The following TDRD9 variants were observed in gnomAD, a reference collection of about 807,000 sequenced individuals.
TDRD9 encodes ATP-dependent RNA helicase TDRD9.
TDRD9 carries 124 observed loss-of-function variants against 172.6 expected under a neutral mutation model. The observed-to-expected ratio is 0.72, with a 90% CI of 0.62 to 0.83. The LOEUF (loss-of-function observed/expected upper bound fraction) is 0.83, where lower values mean the gene tolerates loss of function less well. TDRD9 is among the 40% of genes least tolerant of loss of function. TDRD9 has a pLI of 0.00. For synonymous variants in TDRD9, 619 were observed against 617.1 expected, an observed-to-expected ratio of 1.00 and a Z score of -0.05; for missense variants, 1,479 against 1,714.1, an observed-to-expected ratio of 0.86 and a Z score of 2.42.
In TDRD9 at chr14:104,031,153, A is replaced by C. The variant is rs2035267684; in HGVS notation, c.3328A>C (p.Asn1110His). The change falls in exon 29 of 36, where the codon AAC becomes CAC. Residue 1110 changes from asparagine to histidine, a missense_variant. By Grantham distance (68) the Asn-to-His change is moderately conservative (BLOSUM62 1). Coordinates refer to ENST00000409874, the MANE Select transcript of TDRD9 (RefSeq NM_153046.3). Reference sequence around the variant, plus strand: ...GGGCCTCTTTTCCAAGTCAGTAGAAAACATGACAGATGGCTCTGTGCCCTT... The same window carrying C: ...GGGCCTCTTTTCCAAGTCAGTAGAACACATGACAGATGGCTCTGTGCCCTT... ...LKGLFSKSVE[N>H]MTDGSVPFPM... 6.4e-7 allele frequency: 1 copy of C among 1,551,708 alleles called. No homozygotes were observed. Among genetic ancestry groups the C allele is most frequent in the Admixed American group, 2.0e-5 (1 of 50,982 alleles).
intron 2 of TDRD9, among the ~76,000 whole-genome samples, chr14:103,956,126 A>ATG (rs2032219374): frequency 1.0e-5 from 1 of 95,506 alleles, no homozygotes; most frequent in Admixed American, 1.1e-4. Flanking sequence ...ATATATATAT[A>ATG]TATATATATA....
chr14:104,012,053 A>G (rs1222970919), intron 20 of TDRD9, among the ~76,000 whole-genome samples: 2 of 152,194 alleles, frequency 1.3e-5, no homozygotes, highest in Non-Finnish European at 1.5e-5. Context: ...TATTGCAACC[A>G]GGAAGCTCAC....
At chr14:103,931,572 C>A (rs776453277) in intron 1 of TDRD9, among the ~76,000 whole-genome samples, 1 of 152,146 alleles carries the variant, frequency 6.6e-6, no homozygotes, top group Admixed American at 6.5e-5. Flanking sequence ...TCAACTGATT[C>A]TTTCATGATT....
rs200793202 is a variant in TDRD9, at chr14:103,955,653, A to G, written c.216-11A>G. 95 of 1,547,418 alleles carry G rather than the reference A, an allele frequency of 6.1e-5. No individual in the cohort carries two copies. In the African/African-American group the frequency reaches 1.2e-3, roughly 19 times the overall value. The stretch of plus-strand genomic sequence containing the variant: ...TGGAAATAGTATACTAACTTTTACT[A>G]TTCTTTTCAGGTCACTCAGCCAAAG... On this transcript the variant is annotated splice_polypyrimidine_tract_variant and intron_variant, in intron 1 of 35. Transcript: ENST00000409874.
At chr14:104,012,822 C>A (rs1260328603) in intron 20 of TDRD9, among the ~76,000 whole-genome samples, 1 of 152,158 alleles carries the variant, frequency 6.6e-6, no homozygotes, top group Non-Finnish European at 1.5e-5. Context: ...CAGCCTCAAA[C>A]TCCTGTGCTT....
At chr14:103,981,511 T>C (rs984031922) in intron 7 of TDRD9, among the ~76,000 whole-genome samples, 3 of 152,246 alleles carry the variant, frequency 2.0e-5, no homozygotes, top group Non-Finnish European at 4.4e-5. Context: ...TTGTTTTTGG[T>C]ACCTGATAGG....
Position 104,022,294 on chromosome 14 carries a change from T to G in TDRD9, c.2570T>G (p.Val857Gly). ...TCTGCAGAGGAAATTGAAGGGAAGG[T>G]GCAAGGCATGAACGTCTCAAAGCTC... The part of the protein sequence containing the change: ...VHSAEEIEGK[V>G]QGMNVSKLRN... The change falls in exon 24 of 36, where the codon GTG (valine) becomes GGG (glycine). Residue 857 changes from valine (V) to glycine (G), a missense_variant. Transcript: ENST00000409874. 1 of 1,613,772 alleles carries G rather than the reference T, an allele frequency of 6.2e-7. No individual in the cohort carries two copies.
In TDRD9 at chr14:103,975,458, A is replaced by G. The variant is rs761259148; in HGVS notation, c.916A>G (p.Lys306Glu). 6.2e-7 allele frequency: 1 copy of G among 1,613,962 alleles called. No homozygotes were observed. The highest frequency in any genetic ancestry group is 2.2e-5 in the East Asian group (1 of 44,868). ...CTACTTTGCTGTTCCTGTTCAAAAC[A>G]AGATGAATCCTGCATATATTTTTGA... ...ADYFAVPVQN[K>E]MNPAYIFEVE... The change falls in exon 7 of 36, where the codon AAG becomes GAG. Residue 306 changes from lysine (K) to glutamate (E), a missense_variant. Lys to Glu is a moderately conservative substitution (Grantham distance 56). This residue lies in a region of TDRD9 where 1,413 missense variants were observed against 1,649.1 expected (regional missense o/e 0.86). Transcript: ENST00000409874.
intron 24 of TDRD9, among the ~76,000 whole-genome samples, chr14:104,024,356 T>G (rs1196877575): frequency 2.0e-5 from 3 of 152,172 alleles, no homozygotes; most frequent in African/African-American, 7.2e-5. Flanking sequence ...ATATAATTTT[T>G]GGGATGTGTA....
At position 104,018,168 on chromosome 14, in the gene TDRD9, A is replaced by C; in HGVS notation, c.2408A>C (p.Lys803Thr). 6.2e-7 allele frequency: 1 copy of C among 1,602,164 alleles called. No homozygotes were observed. The highest frequency in any genetic ancestry group is 8.5e-7 in the Non-Finnish European group (1 of 1,171,244). The change falls in exon 23 of 36, where the codon AAA becomes ACA. Residue 803 changes from lysine (K) to threonine (T), a missense_variant. By Grantham distance (78) the Lys-to-Thr change is moderately conservative. This residue lies in a region of TDRD9 where 1,413 missense variants were observed against 1,649.1 expected (regional missense o/e 0.86). Transcript: ENST00000409874. ...CTCTTTAGACAGTGTGGTCAAGTCA[A>C]ATCCATTGTATTTGATGGTGCAAAG... ...QSLFRQCGQVKSIVFDGAKAF... is the reference protein window; with the variant it reads ...QSLFRQCGQVTSIVFDGAKAF...
At position 103,980,706 on chromosome 14, in the gene TDRD9, C is replaced by T. The variant is rs886682069; in HGVS notation, c.1011+5153C>T. Among the ~76,000 whole-genome samples the T allele has an allele frequency of 6.6e-6, 1 of 152,110 alleles. No homozygotes were observed. Among genetic ancestry groups the T allele is most frequent in the African/African-American group, 2.4e-5 (1 of 41,434 alleles). Reference sequence around the variant, plus strand: ...AAGGGAGACTCCCTTTCCCGGTCTGCTGAGTAGCGGGTGTTTTTCCTTGAC... The same window carrying T: ...AAGGGAGACTCCCTTTCCCGGTCTGTTGAGTAGCGGGTGTTTTTCCTTGAC... On this transcript the variant is annotated intron_variant, in intron 7 of 35. Coordinates refer to ENST00000409874, the MANE Select transcript of TDRD9 (RefSeq NM_153046.3). The surrounding 1 kb of genome is among the most constrained non-coding windows in gnomAD (Gnocchi z 4.5).
chr14:104,022,379 C>T (rs781337658), intron 24 of TDRD9, 49 bp downstream of exon 24: 2 of 1,563,700 alleles, frequency 1.3e-6, no homozygotes, highest in Non-Finnish European at 1.7e-6. Flanking sequence ...CTTTCACATT[C>T]TCAGGTGCTA....
chr14:104,026,162 T>C, intron 27 of TDRD9, 26 bp downstream of exon 27: 2 of 1,440,116 alleles, frequency 1.4e-6, no homozygotes. Context: ...CTCTAGGGAA[T>C]GAATGCTGCA....
intron 33 of TDRD9, 40 bp downstream of exon 33, chr14:104,040,374 C>G: frequency 1.3e-6 from 2 of 1,482,506 alleles, no homozygotes; most frequent in East Asian, 2.6e-5. Context: ...AACCCTGTCT[C>G]TCTCTGGTTT....
Position 103,986,290 on chromosome 14 carries a change from T to C in TDRD9, c.1085T>C (p.Met362Thr). The C allele has an allele frequency of 6.2e-7, 1 of 1,613,440 alleles. No homozygotes were observed. Among genetic ancestry groups the C allele is most frequent in the Non-Finnish European group, 8.5e-7 (1 of 1,179,510 alleles). ...GAAGTTGCTGTCTCTCTCATTCAGA[T>C]GTTTGATGACTTGGATATGAAGGAG... Reference protein sequence around the residue: ...IYEVAVSLIQMFDDLDMKESG... With the variant: ...IYEVAVSLIQTFDDLDMKESG... Residue 362 changes from methionine (M) to threonine (T), a missense_variant, in exon 8 of 36, where the codon ATG becomes ACG. Physicochemically the swap from Met to Thr is moderately conservative, Grantham distance 81 (BLOSUM62 -1). Coordinates refer to ENST00000409874, the MANE Select transcript of TDRD9 (RefSeq NM_153046.3).
At chr14:103,958,451 A>G (rs2032349952) in intron 2 of TDRD9, among the ~76,000 whole-genome samples, 1 of 152,184 alleles carries the variant, frequency 6.6e-6, no homozygotes, top group Admixed American at 6.6e-5. Context: ...AAAGAGGTCC[A>G]TGTTCTAATC....
intron 3 of TDRD9, among the ~76,000 whole-genome samples, chr14:103,964,806 A>G (rs2048665912): frequency 6.6e-6 from 1 of 152,130 alleles, no homozygotes; most frequent in Non-Finnish European, 1.5e-5. Context: ...TGCAGATGTG[A>G]GCCACCTGTG....
intron 14 of TDRD9, among the ~76,000 whole-genome samples, chr14:104,004,986 T>C (rs561301660): frequency 1.1e-3 from 160 of 152,196 alleles, no homozygotes; most frequent in African/African-American, 3.6e-3. Flanking sequence ...TTCTTTTTTT[T>C]CTTCTTTCCC....
intron 3 of TDRD9, 70 bp from the exon 4 acceptor site, chr14:103,965,263 C>G: frequency 7.3e-7 from 1 of 1,368,942 alleles, no homozygotes. Context: ...TCCTGAAAGA[C>G]TTCTTAATAT....
Sources: gnomAD v4.1 joint callset for allele counts (sites outside exome capture counted in the v4.1 genomes callset) on GRCh38, gnomAD v4.1.1 for gene constraint, gnomAD v4.1.1 regional missense constraint, Gnocchi (gnomAD v3.1) non-coding constraint, MANE v1.5 for transcripts, NCBI Gene and HGNC (gene_info 2026-07-23, HGNC 2026-07-21) for gene names.